PIP5K1C: variants seen among roughly 807,000 people sequenced by gnomAD.
The protein encoded by PIP5K1C is phosphatidylinositol-4-phosphate 5-kinase type 1 gamma, also known as phosphatidylinositol 4-phosphate 5-kinase type-1 gamma.
In PIP5K1C, 45 loss-of-function variants were observed where a neutral mutation model predicts 80.1. The ratio of observed to expected loss-of-function variants is 0.56; its 90% CI spans 0.44 to 0.72. The LOEUF (loss-of-function observed/expected upper bound fraction) is 0.72, where lower values mean the gene tolerates loss of function less well. Among genes scored for constraint, PIP5K1C ranks in the 30% least tolerant of loss-of-function variants. The pLI is 0.00. For missense variants in PIP5K1C, 753 were observed against 954.6 expected (o/e 0.79, Z 2.78); for synonymous variants, 498 against 420.1 (o/e 1.19, Z -2.27).
At chr19:3,695,646 G>A (rs1421810800) in intron 1 of PIP5K1C, among the ~76,000 whole-genome samples, 1 of 152,148 alleles carries the variant, frequency 6.6e-6, no homozygotes, top group Non-Finnish European at 1.5e-5. Flanking sequence ...GGGAGAGAAT[G>A]GGGAACTTTC....
intron 1 of PIP5K1C, among the ~76,000 whole-genome samples, chr19:3,669,271 C>T (rs550909321): frequency 2.0e-5 from 3 of 152,148 alleles, no homozygotes; most frequent in South Asian, 2.1e-4. Context: ...CCGTAGGGCT[C>T]GGCCCTCTGG....
rs1454049693 is a variant in PIP5K1C, at chr19:3,696,084, T to C, written c.94+4213A>G. ...AGCTACAGGGAGGCCCTGGTGGCGG[T>C]GCTGACTCCCTGCCCGGCCGCCCTG... On this transcript the variant is annotated intron_variant, in intron 1 of 17. Coordinates refer to ENST00000335312, the MANE Select transcript of PIP5K1C (RefSeq NM_012398.3). The surrounding 1 kb of genome is among the most constrained non-coding windows in gnomAD (Gnocchi z 4.1). Among the ~76,000 whole-genome samples the C allele has an allele frequency of 6.6e-6, 1 of 152,032 alleles. No individual in the cohort carries two copies. Among genetic ancestry groups the C allele is most frequent in the Non-Finnish European group, 1.5e-5 (1 of 68,000 alleles).
chr19:3,656,368 C>T (rs1174390738), intron 6 of PIP5K1C, 37 bp downstream of exon 6: 1 of 1,611,428 alleles, frequency 6.2e-7, no homozygotes, highest in Non-Finnish European at 8.5e-7. Flanking sequence ...AGGGGGTTGA[C>T]CGAGGAGCCA....
At position 3,667,338 on chromosome 19, in the gene PIP5K1C, T is replaced by C. The variant is rs2035046192; in HGVS notation, c.110A>G (p.Lys37Arg). Reference protein sequence around the residue: ...SGAAAGLAQKKAAPTEVLSMT... With the variant: ...SGAAAGLAQKRAAPTEVLSMT... ...GACACTCACCTCTGTTGGGGCCGCC[T>C]TCTTCTGAGCCAAACCTGCAGAAGA... The change falls in exon 2 of 18, where the codon AAG (lysine) becomes AGG (arginine). Residue 37 changes from lysine to arginine, a missense_variant. Physicochemically the swap from Lys to Arg is conservative, Grantham distance 26. Transcript: ENST00000335312. 8 of 1,613,034 alleles carry C rather than the reference T, an allele frequency of 5.0e-6. No homozygotes were observed. Among genetic ancestry groups the C allele is most frequent in the Non-Finnish European group, 6.8e-6 (8 of 1,179,924 alleles).
intron 1 of PIP5K1C, among the ~76,000 whole-genome samples, chr19:3,695,564 G>C (rs1465927020): frequency 1.3e-5 from 2 of 152,152 alleles, no homozygotes; most frequent in African/African-American, 4.8e-5. Context: ...CGGCCCCCGA[G>C]GCCTCTCCAC....
At chr19:3,660,920 A>G (rs1278432408) in intron 5 of PIP5K1C, 46 bp downstream of exon 5, 2 of 1,473,372 alleles carry the variant, frequency 1.4e-6, no homozygotes, top group Admixed American at 1.7e-5. Flanking sequence ...GACCCTGAAC[A>G]TGTTCTGTTT....
Position 3,648,731 on chromosome 19 carries a change from C to T in PIP5K1C, c.1128-23G>A, listed in dbSNP as rs1484634468. ...ATCCTGGGGAGAGAGGCCGAGGGTA[C>T]CATCAGCATCCCGCAGAGCTGGGAC... On this transcript the variant is annotated intron_variant, in intron 8 of 17. Transcript: ENST00000335312. The surrounding 1 kb of genome is among the most constrained non-coding windows in gnomAD (Gnocchi z 4.3). The T allele has an allele frequency of 1.2e-5, 19 of 1,602,350 alleles. No homozygotes were observed. Among genetic ancestry groups the T allele is most frequent in the Admixed American group, 1.7e-5 (1 of 59,964 alleles).
intron 17 of PIP5K1C, 27 bp from the exon 18 acceptor site, chr19:3,633,196 G>A (rs750580773): frequency 1.6e-4 from 124 of 761,340 alleles, no homozygotes; most frequent in Non-Finnish European, 7.3e-6. Context: ...ACAGGTGAAG[G>A]TGGGCGGGGC....
intron 3 of PIP5K1C, among the ~76,000 whole-genome samples, chr19:3,663,097 C>A (rs534677244): frequency 6.6e-6 from 1 of 152,278 alleles, no homozygotes; most frequent in East Asian, 1.9e-4. Flanking sequence ...AACTCCTGAC[C>A]TCTGGTGATC....
In PIP5K1C at chr19:3,642,912, A is replaced by G. The variant is rs199931045; in HGVS notation, c.1677T>C (p.Asp559=). Residue 559 remains aspartate, a synonymous_variant, in exon 14 of 18, where the codon GAT becomes GAC. Transcript: ENST00000335312. ...YRRRTQSSGQ[D]GRPQEEPPAE... is the part of the protein sequence containing the mutation. Reference sequence around the variant, plus strand: ...GGAAGGGGGTTGGGTCTCACCTGCCATCCTGTCCAGACGACTGTGTGCGCC... The same window carrying G: ...GGAAGGGGGTTGGGTCTCACCTGCCGTCCTGTCCAGACGACTGTGTGCGCC... The G allele has an allele frequency of 8.2e-5, 133 of 1,613,340 alleles. No individual in the cohort carries two copies. The East Asian group carries it at 2.9e-3, about 35-fold the overall frequency.
At chr19:3,645,105 G>A (rs1415223643) in intron 11 of PIP5K1C, among the ~76,000 whole-genome samples, 1 of 152,240 alleles carries the variant, frequency 6.6e-6, no homozygotes, top group Admixed American at 6.5e-5. Flanking sequence ...GAGGCCGTGA[G>A]CAAGTGTGCA....
chr19:3,695,632 G>A (rs891993202), intron 1 of PIP5K1C, among the ~76,000 whole-genome samples: 4 of 152,226 alleles, frequency 2.6e-5, no homozygotes, highest in Non-Finnish European at 4.4e-5. Context: ...GAGGCGGCCA[G>A]GGCGGGAGAG....
At position 3,692,037 on chromosome 19, in the gene PIP5K1C, C is replaced by T. The variant is rs937271490; in HGVS notation, c.94+8260G>A. On this transcript the variant is annotated intron_variant, in intron 1 of 17. Transcript: ENST00000335312. The surrounding 1 kb of genome is among the most constrained non-coding windows in gnomAD (Gnocchi z 5.2). ...CACCGTGGCCAGTCCAAGCACCGCACGGGAAGGGTGCACAGTGGGAGCTGC... is the reference window on the plus strand; with the variant it reads ...CACCGTGGCCAGTCCAAGCACCGCATGGGAAGGGTGCACAGTGGGAGCTGC... Among the ~76,000 whole-genome samples, 1 of 152,210 alleles carries T rather than the reference C, an allele frequency of 6.6e-6. No homozygotes were observed. Among genetic ancestry groups the T allele is most frequent in the African/African-American group, 2.4e-5 (1 of 41,454 alleles).
intron 1 of PIP5K1C, among the ~76,000 whole-genome samples, chr19:3,670,574 C>T (rs944172798): frequency 6.6e-6 from 1 of 152,272 alleles, no homozygotes; most frequent in African/African-American, 2.4e-5. Flanking sequence ...GAACAAACGC[C>T]TGTTCAAGGC....
chr19:3,634,848 G>A (rs1013430756), intron 16 of PIP5K1C, among the ~76,000 whole-genome samples: 3 of 152,372 alleles, frequency 2.0e-5, no homozygotes, highest in African/African-American at 4.8e-5. Context: ...CCTGGGCACC[G>A]AGGGCAGCGC....
At chr19:3,633,998 G>A (rs1158617763) in intron 16 of PIP5K1C, among the ~76,000 whole-genome samples, 1 of 152,092 alleles carries the variant, frequency 6.6e-6, no homozygotes, top group South Asian at 2.1e-4. Flanking sequence ...AAGCCTTTTG[G>A]GACCTGAATA....
intron 6 of PIP5K1C, among the ~76,000 whole-genome samples, chr19:3,655,107 C>CAAAAAAA (rs545856738): frequency 2.2e-5 from 1 of 45,860 alleles, no homozygotes; most frequent in Non-Finnish European, 3.6e-5. Flanking sequence ...GACTCCATCT[C>CAAAAAAA]AAAAAAAAAA....
intron 1 of PIP5K1C, among the ~76,000 whole-genome samples, chr19:3,682,852 C>G (rs2035628934): frequency 6.6e-6 from 1 of 152,158 alleles, no homozygotes; most frequent in African/African-American, 2.4e-5. Flanking sequence ...CTCCCAGACT[C>G]CTGACTCAGA....
intron 6 of PIP5K1C, 130 bp from the exon 7 acceptor site, chr19:3,653,719 T>TCGGGGACCCCGTTCCTATG (rs1400912056): frequency 1.5e-5 from 13 of 842,232 alleles, no homozygotes; most frequent in Non-Finnish European, 2.2e-5. Flanking sequence ...CCAGAAGCCC[T>TCGGGGACCCCGTTCCTATG]CGGGGACCCC....
Sources: allele counts gnomAD v4.1 joint callset (sites outside exome capture counted in the v4.1 genomes callset), GRCh38; gene constraint gnomAD v4.1.1; non-coding constraint Gnocchi (gnomAD v3.1); transcripts MANE v1.5; gene names NCBI Gene and HGNC (gene_info 2026-07-23, HGNC 2026-07-21).